Variants in DENND2C observed in about 807,000 individuals in gnomAD.
The protein encoded by DENND2C is DENN domain-containing protein 2C.
DENND2C carries 72 observed loss-of-function variants against 112.4 expected under a neutral mutation model. The observed-to-expected ratio is 0.64, with a 90% confidence interval of 0.53 to 0.78. The LOEUF is 0.78. Ranked by LOEUF, DENND2C falls within the 30% of genes least tolerant of loss-of-function variation. The pLI, the probability that DENND2C is intolerant of heterozygous loss-of-function variation, is 0.00. For synonymous variants in DENND2C, 329 were observed against 381.6 expected (o/e 0.86, Z 1.61); for missense variants, 992 against 1,113.8 (o/e 0.89, Z 1.56).
chr1:114,610,542 A>C (rs1288822652), intron 9 of DENND2C, among the ~76,000 whole-genome samples: 1 of 152,128 alleles, frequency 6.6e-6, no homozygotes, highest in Non-Finnish European at 1.5e-5. Context: ...TCTACTAAAA[A>C]TACAAAAATT....
At chr1:114,646,530 T>C (rs1557957382) in intron 2 of DENND2C, among the ~76,000 whole-genome samples, 1 of 152,214 alleles carries the variant, frequency 6.6e-6, no homozygotes, top group African/African-American at 2.4e-5. Context: ...TGGACACATA[T>C]GAACTGCTCT....
At chr1:114,663,702 A>T (rs1202487951) in intron 1 of DENND2C, among the ~76,000 whole-genome samples, 1 of 152,208 alleles carries the variant, frequency 6.6e-6, no homozygotes, top group African/African-American at 2.4e-5. Flanking sequence ...GGGTGGAAAG[A>T]TCAAATAAGT....
chr1:114,658,276 G>C (rs934813880), intron 1 of DENND2C, among the ~76,000 whole-genome samples: 6 of 152,116 alleles, frequency 3.9e-5, no homozygotes, highest in Admixed American at 1.3e-4. Context: ...ATCATGATTA[G>C]GGACCATAGA....
chr1:114,599,973 G>T (rs916881505), intron 15 of DENND2C, among the ~76,000 whole-genome samples: 9 of 151,854 alleles, frequency 5.9e-5, no homozygotes, highest in Non-Finnish European at 1.2e-4. Flanking sequence ...GTCGTGGGGT[G>T]GGGGGATGGG....
At chr1:114,646,982 A>G (rs1157729397) in intron 2 of DENND2C, among the ~76,000 whole-genome samples, 1 of 151,764 alleles carries the variant, frequency 6.6e-6, no homozygotes, top group Non-Finnish European at 1.5e-5. Flanking sequence ...CAACATGGCG[A>G]AACCCTGTCT....
intron 20 of DENND2C, among the ~76,000 whole-genome samples, chr1:114,586,526 G>A (rs936821174): frequency 1.3e-5 from 2 of 151,986 alleles, no homozygotes; most frequent in African/African-American, 4.8e-5. Context: ...AGACCACTCT[G>A]ATGAGGGATC....
At position 114,616,178 on chromosome 1, in the gene DENND2C, T is replaced by C. The variant is rs143051294; in HGVS notation, c.1324+2208A>G. ...GCCCAGGCAGGTGGATCATTTGAGG[T>C]CAGGAGTTCAAGATCAGCCTGGCCA... is the stretch of plus-strand genomic sequence containing the variant. On this transcript the variant is annotated intron_variant, in intron 8 of 20. Transcript: ENST00000393274. Among the ~76,000 whole-genome samples the C allele has an allele frequency of 7.4e-3, 1,126 of 151,970 alleles. 8 individuals are homozygous for C. Among genetic ancestry groups the C allele is most frequent in the South Asian group, 0.027 (128 of 4,816 alleles).
intron 1 of DENND2C, among the ~76,000 whole-genome samples, chr1:114,662,533 T>C (rs1003633041): frequency 3.3e-5 from 5 of 152,188 alleles, no homozygotes; most frequent in African/African-American, 1.2e-4. Flanking sequence ...CATTTAACTT[T>C]AAAAAGTACA....
At chr1:114,660,750 C>T (rs1270221780) in intron 1 of DENND2C, among the ~76,000 whole-genome samples, 1 of 152,102 alleles carries the variant, frequency 6.6e-6, no homozygotes, top group South Asian at 2.1e-4. Context: ...AGTTTAATTT[C>T]TGAGGATCAA....
At chr1:114,639,310 G>A (rs549619318) in intron 3 of DENND2C, among the ~76,000 whole-genome samples, 1 of 152,290 alleles carries the variant, frequency 6.6e-6, no homozygotes, top group African/African-American at 2.4e-5. Context: ...GCCAGGCGCG[G>A]TGGCTCATGC....
chr1:114,611,986 A>G (rs1655833182), intron 8 of DENND2C, among the ~76,000 whole-genome samples: 1 of 152,198 alleles, frequency 6.6e-6, no homozygotes, highest in Non-Finnish European at 1.5e-5. Flanking sequence ...TGAACAATAA[A>G]CTGGGAAAAT....
chr1:114,600,838 G>A lies in DENND2C; in HGVS notation c.1938C>T (p.Leu646=). The part of the protein sequence containing the change: ...PGRTITVKSY[L]PGAGDESIEL... ...AACTTACCTCATCTCCAGCCCCAGG[G>A]AGGTAACTCTTAACTGTGATGGTGC... The change falls in exon 14 of 21, where the codon CTC becomes CTT. Residue 646 remains leucine, a synonymous_variant. Coordinates refer to ENST00000393274, the MANE Select transcript of DENND2C (RefSeq NM_001256404.2). 1.9e-6 allele frequency: 3 copies of A among 1,613,222 alleles called. No individual in the cohort carries two copies. The highest frequency in any genetic ancestry group is 2.5e-6 in the Non-Finnish European group (3 of 1,179,608).
In DENND2C at chr1:114,665,004, G is replaced by C. The variant is rs185665836; in HGVS notation, c.-574+4979C>G. On this transcript the variant is annotated intron_variant, in intron 1 of 20. Transcript: ENST00000393274. ...AGCTACTTGGGAGGCTGAGACAGGA[G>C]AATCACTTGGACCTGGGAGGCAGAG... Among the ~76,000 whole-genome samples, 15 of 152,080 alleles carry C rather than the reference G, an allele frequency of 9.9e-5. 1 individual carries two copies. In the Middle Eastern group the frequency reaches 0.01, roughly 104 times the overall value.
chr1:114,612,345 T>C (rs1042811824), intron 8 of DENND2C, among the ~76,000 whole-genome samples: 2 of 142,292 alleles, frequency 1.4e-5, no homozygotes, highest in African/African-American at 5.3e-5. Context: ...TTGGCAGCAG[T>C]TATAAATTTT....
At chr1:114,639,952 T>TACTGCATAATATGTGGG (rs202197459) in intron 3 of DENND2C, among the ~76,000 whole-genome samples, 1 of 152,168 alleles carries the variant, frequency 6.6e-6, no homozygotes, top group African/African-American at 2.4e-5. Flanking sequence ...GGCAGGGCAT[T>TACTGCATAATATGTGGG]ACTGCATAAT....
chr1:114,649,185 C>T (rs1445358941), intron 2 of DENND2C, among the ~76,000 whole-genome samples: 1 of 152,044 alleles, frequency 6.6e-6, no homozygotes, highest in Non-Finnish European at 1.5e-5. Context: ...AAACTCCTGA[C>T]CTCAAGTAAT....
rs769661805 is a variant in DENND2C, at chr1:114,599,327, T to C, written c.2230A>G (p.Ile744Val). 1 of 1,613,892 alleles carries C rather than the reference T, an allele frequency of 6.2e-7. No individual in the cohort carries two copies. Among genetic ancestry groups the C allele is most frequent in the East Asian group, 2.2e-5 (1 of 44,874 alleles). The change falls in exon 16 of 21, where the codon ATT becomes GTT. Residue 744 changes from isoleucine (I) to valine (V), a missense_variant. Physicochemically the swap from Ile to Val is conservative, Grantham distance 29. Transcript: ENST00000393274. ...GGTAAGGAGCAAGACAGGATTCCAA[T>C]AAGGAATGGTGTAGGTGAGCACACG... Reference protein sequence around the residue: ...DIVCSPTPFLIGILSCSLPQL... With the variant: ...DIVCSPTPFLVGILSCSLPQL...
chr1:114,613,309 A>G (rs1292922328), intron 8 of DENND2C, among the ~76,000 whole-genome samples: 2 of 152,192 alleles, frequency 1.3e-5, no homozygotes, highest in African/African-American at 2.4e-5. Context: ...TAGAAAATGT[A>G]TTTGCGTGCA....
chr1:114,623,468 A>G, intron 5 of DENND2C, 39 bp downstream of exon 5: 1 of 1,580,720 alleles, frequency 6.3e-7, no homozygotes, highest in Non-Finnish European at 8.6e-7. Flanking sequence ...CACCAAATAT[A>G]TAATCACTAA....
Sources: gnomAD v4.1 joint callset for allele counts (sites outside exome capture counted in the v4.1 genomes callset) on GRCh38, gnomAD v4.1.1 for gene constraint, MANE v1.5 for transcripts, NCBI Gene and HGNC (gene_info 2026-07-23, HGNC 2026-07-21) for gene names.